Variants in CELF2 observed in about 807,000 individuals in gnomAD.
The protein encoded by CELF2 is CUGBP Elav-like family member 2.
Under a neutral mutation model 62.6 loss-of-function variants are expected in CELF2, and 8 were observed. That is an observed-to-expected ratio of 0.13 (90% CI 0.07 to 0.23). The LOEUF is 0.23. Ranked by LOEUF, CELF2 falls within the 10% of genes least tolerant of loss-of-function variation. CELF2 has a pLI of 1.00. For missense variants in CELF2, 333 were observed against 671.0 expected (o/e 0.50, Z 5.56); for synonymous variants, 258 against 250.0 (o/e 1.03, Z -0.30).
chr10:10,533,647 A>G, the CELF2 span, among the ~76,000 whole-genome samples: 2 of 152,232 alleles, frequency 1.3e-5, no homozygotes, highest in African/African-American at 2.4e-5. Flanking sequence ...TGGCTTAATC[A>G]CTTTGACAGA....
intron 1 of CELF2, among the ~76,000 whole-genome samples, chr10:11,026,624 A>T (rs900269743): frequency 1.3e-5 from 2 of 152,222 alleles, no homozygotes; most frequent in Admixed American, 1.3e-4. Context: ...CATAACCAGT[A>T]CAGAGTACAG....
the CELF2 span, among the ~76,000 whole-genome samples, chr10:10,482,032 T>A: frequency 6.6e-6 from 1 of 152,210 alleles, no homozygotes; most frequent in Non-Finnish European, 1.5e-5. Flanking sequence ...TAAGCAGATA[T>A]AAGGGTTAGC....
chr10:11,070,323 C>T (rs1484457193), intron 1 of CELF2, among the ~76,000 whole-genome samples: 1 of 151,830 alleles, frequency 6.6e-6, no homozygotes, highest in Non-Finnish European at 1.5e-5. Context: ...AGCGGTGGGG[C>T]GAGGCTGGAG....
chr10:10,652,311 CAGG>C, the CELF2 span, among the ~76,000 whole-genome samples: 3 of 127,444 alleles, frequency 2.4e-5, no homozygotes, highest in South Asian at 9.3e-4. Context: ...GGATATTATC[CAGG>C]AGAACTTCCC....
the CELF2 span, among the ~76,000 whole-genome samples, chr10:10,663,063 C>T: frequency 2.0e-5 from 3 of 152,174 alleles, no homozygotes; most frequent in African/African-American, 7.2e-5. Context: ...ACTCATCATA[C>T]TTTATTATTT....
chr10:11,249,128 T>C (rs918115971), intron 3 of CELF2, 25 bp from the exon 4 acceptor site: 1 of 1,604,404 alleles, frequency 6.2e-7, no homozygotes, highest in Non-Finnish European at 8.5e-7. Flanking sequence ...AATCTGCCTT[T>C]ACTTTCTCCC....
the CELF2 span, among the ~76,000 whole-genome samples, chr10:10,761,144 A>G: frequency 6.6e-6 from 1 of 152,200 alleles, no homozygotes; most frequent in African/African-American, 2.4e-5. Flanking sequence ...GCAGAAATTA[A>G]AAGAAGTTGA....
At chr10:11,069,529 A>G (rs1398963650) in intron 1 of CELF2, among the ~76,000 whole-genome samples, 5 of 152,244 alleles carry the variant, frequency 3.3e-5, no homozygotes, top group Non-Finnish European at 5.9e-5. Context: ...AACATTTTGC[A>G]GCAAAAACCT....
chr10:10,759,990 C>T, the CELF2 span, among the ~76,000 whole-genome samples: 1 of 152,184 alleles, frequency 6.6e-6, no homozygotes, highest in Non-Finnish European at 1.5e-5. Context: ...ACTTCAACCT[C>T]CGCCTTCCAG....
In CELF2 at chr10:11,311,546, T is replaced by C; in HGVS notation, c.977-2593T>C. Among the ~76,000 whole-genome samples, 1 of 152,218 alleles carries C rather than the reference T, an allele frequency of 6.6e-6. No individual in the cohort carries two copies. The highest frequency in any genetic ancestry group is 3.2e-3 in the Middle Eastern group (1 of 316). ...ATTAGACCTCAGATATTAGCATTATTAGCATACAACAGAAAGGAAATACAG... is the reference window on the plus strand; with the variant it reads ...ATTAGACCTCAGATATTAGCATTATCAGCATACAACAGAAAGGAAATACAG... On this transcript the variant is annotated intron_variant, in intron 9 of 12. Coordinates refer to ENST00000633077, the MANE Select transcript of CELF2 (RefSeq NM_001326342.2). This position sits in a 1 kb window ranked among gnomAD's most constrained non-coding sequence, Gnocchi z 4.7.
At chr10:10,580,473 C>T in the CELF2 span, among the ~76,000 whole-genome samples, 2 of 152,080 alleles carry the variant, frequency 1.3e-5, no homozygotes, top group East Asian at 1.9e-4. Flanking sequence ...TGTTCCTGTT[C>T]GCACCCTTAA....
Position 11,005,411 on chromosome 10 carries a change from T to A in CELF2, c.24T>A (p.Val8=). ...GCATGCGCTGTCCCAAATCCGCTGT[T>A]ACTATGAGAAATGAAGAGCTGCTTT... is the stretch of plus-strand genomic sequence containing the variant. The change falls in exon 1 of 13, where the codon GTT becomes GTA. Residue 8 remains valine (V), a synonymous_variant. Transcript: ENST00000416382. This position sits in a 1 kb window ranked among gnomAD's most constrained non-coding sequence, Gnocchi z 4.3. 6.2e-7 allele frequency: 1 copy of A among 1,613,954 alleles called. No homozygotes were observed. The highest frequency in any genetic ancestry group is 8.5e-7 in the Non-Finnish European group (1 of 1,179,850).
At chr10:10,671,484 T>C in the CELF2 span, among the ~76,000 whole-genome samples, 20 of 152,240 alleles carry the variant, frequency 1.3e-4, no homozygotes, top group Non-Finnish European at 2.5e-4. Context: ...AGAAAGAATG[T>C]GTATAGTTTT....
At chr10:11,056,370 G>A (rs1329211745) in intron 1 of CELF2, among the ~76,000 whole-genome samples, 2 of 152,196 alleles carry the variant, frequency 1.3e-5, no homozygotes, top group Admixed American at 1.3e-4. Flanking sequence ...CTAGGAATAG[G>A]TGCCTAATAG....
At chr10:11,027,483 T>A (rs1463504084) in intron 1 of CELF2, among the ~76,000 whole-genome samples, 1 of 152,158 alleles carries the variant, frequency 6.6e-6, no homozygotes, top group Non-Finnish European at 1.5e-5. Context: ...TCGTTTTTTT[T>A]ATCTTCACCT....
In CELF2 at chr10:11,331,683, T is replaced by C. The variant is rs1380851289; in HGVS notation, c.*2630T>C. The C allele has an allele frequency of 6.6e-6, 1 of 152,586 alleles. No homozygotes were observed. Among genetic ancestry groups the C allele is most frequent in the East Asian group, 1.9e-4 (1 of 5,206 alleles). The allele number at this position is 152,586 out of a possible 1,614,324, so 9.5% of individuals were successfully genotyped here. A position where few individuals can be genotyped will look rare whatever the true frequency, so the allele number is the denominator to read the frequency against. ...GTGGTCTTGTTGCCTGAAATTGTTA[T>C]TGTTTGTTATTTCTCTCTGATGTTT... On this transcript the variant is annotated 3_prime_UTR_variant, in exon 13 of 13. Coordinates refer to ENST00000633077, the MANE Select transcript of CELF2 (RefSeq NM_001326342.2).
chr10:10,663,925 C>A, the CELF2 span, among the ~76,000 whole-genome samples: 1 of 152,156 alleles, frequency 6.6e-6, no homozygotes, highest in African/African-American at 2.4e-5. Context: ...TTGTAAGTGA[C>A]ATTTTGAAAG....
the CELF2 span, among the ~76,000 whole-genome samples, chr10:10,489,439 G>A: frequency 6.6e-6 from 1 of 152,072 alleles, no homozygotes; most frequent in Non-Finnish European, 1.5e-5. Context: ...AGTACTGATT[G>A]TTTTGGCAGT....
At chr10:10,489,605 A>T in the CELF2 span, among the ~76,000 whole-genome samples, 1 of 152,140 alleles carries the variant, frequency 6.6e-6, no homozygotes, top group Admixed American at 6.5e-5. Context: ...AAAAATAGCA[A>T]CTGCAACTAC....
Sources: allele counts gnomAD v4.1 joint callset (sites outside exome capture counted in the v4.1 genomes callset), GRCh38; gene constraint gnomAD v4.1.1; non-coding constraint Gnocchi (gnomAD v3.1); transcripts MANE v1.5; gene names NCBI Gene and HGNC (gene_info 2026-07-23, HGNC 2026-07-21).